CFAP299: variants seen among roughly 807,000 people sequenced by gnomAD.
The protein encoded by CFAP299 is cilia- and flagella-associated protein 299.
Under a neutral mutation model 27.0 loss-of-function variants are expected in CFAP299, and 21 were observed. The ratio of observed to expected loss-of-function variants is 0.78; its 90% CI spans 0.55 to 1.12. CFAP299 has a LOEUF of 1.12. Among genes scored for constraint, CFAP299 ranks in the 50% most tolerant of loss-of-function variants. The pLI is 0.00. For missense variants in CFAP299, 310 were observed against 276.6 expected (o/e 1.12, Z -0.86); for synonymous variants, 104 against 98.1 (o/e 1.06, Z -0.36).
intron 2 of CFAP299, chr4:80,387,165 G>A (rs1725058161): frequency 7.3e-7 from 1 of 1,365,496 alleles, no homozygotes; most frequent in Non-Finnish European, 1.0e-6. Context: ...CCCTTCTTGG[G>A]GCTGTGCTGT....
At chr4:80,741,702 C>T (rs990127286) in intron 3 of CFAP299, among the ~76,000 whole-genome samples, 26 of 152,116 alleles carry the variant, frequency 1.7e-4, no homozygotes, top group Non-Finnish European at 2.6e-4. Flanking sequence ...CTAATGTCTC[C>T]CTGGGTCACG....
chr4:80,580,668 C>T (rs1736115556), intron 2 of CFAP299, among the ~76,000 whole-genome samples: 2 of 151,978 alleles, frequency 1.3e-5, no homozygotes, highest in South Asian at 4.1e-4. Context: ...TCTGAGCAAT[C>T]TAGTCTCAAC....
chr4:80,895,323 A>T (rs1369853514), intron 4 of CFAP299, among the ~76,000 whole-genome samples: 2 of 151,780 alleles, frequency 1.3e-5, no homozygotes, highest in East Asian at 3.9e-4. Context: ...TTTGTCATTT[A>T]TGCCTCAAAA....
At chr4:80,783,336 T>C (rs931863599) in intron 3 of CFAP299, among the ~76,000 whole-genome samples, 3 of 152,114 alleles carry the variant, frequency 2.0e-5, no homozygotes, top group African/African-American at 7.2e-5. Flanking sequence ...ACAACCTGAA[T>C]ACTAGCAGGC....
At chr4:80,701,207 T>G (rs1721457075) in intron 3 of CFAP299, among the ~76,000 whole-genome samples, 1 of 151,978 alleles carries the variant, frequency 6.6e-6, no homozygotes, top group Admixed American at 6.6e-5. Context: ...CATAAAATAG[T>G]TGAGGATATG....
intron 3 of CFAP299, among the ~76,000 whole-genome samples, chr4:80,809,957 C>G (rs1044071046): frequency 5.9e-5 from 9 of 151,988 alleles, no homozygotes; most frequent in Admixed American, 5.3e-4. Flanking sequence ...AATATCTTTA[C>G]CCATAAAGTG....
chr4:80,776,928 C>T (rs1032634141), intron 3 of CFAP299, among the ~76,000 whole-genome samples: 1 of 151,130 alleles, frequency 6.6e-6, no homozygotes, highest in Non-Finnish European at 1.5e-5. Flanking sequence ...CTGATTATAA[C>T]CCTATAAATA....
intron 4 of CFAP299, among the ~76,000 whole-genome samples, chr4:80,912,909 A>G (rs1329288500): frequency 6.6e-6 from 1 of 152,148 alleles, no homozygotes; most frequent in African/African-American, 2.4e-5. Flanking sequence ...AGGAGTGCGG[A>G]ATAGAGGGGA....
At chr4:80,501,404 T>C (rs1467318939) in intron 2 of CFAP299, among the ~76,000 whole-genome samples, 1 of 148,276 alleles carries the variant, frequency 6.7e-6, no homozygotes, top group Non-Finnish European at 1.5e-5. Flanking sequence ...CATATAAATA[T>C]GTAATTTCAT....
intron 3 of CFAP299, among the ~76,000 whole-genome samples, chr4:80,699,943 A>G (rs767356151): frequency 3.9e-5 from 6 of 152,182 alleles, no homozygotes; most frequent in Non-Finnish European, 7.3e-5. Flanking sequence ...TCCTTTTGGA[A>G]GGGTTATGGA....
chr4:80,846,522 A>T (rs571857896), intron 3 of CFAP299, among the ~76,000 whole-genome samples: 1 of 152,274 alleles, frequency 6.6e-6, no homozygotes, highest in Admixed American at 6.5e-5. Context: ...TTAAATTCAT[A>T]ATTTGATAGA....
chr4:80,550,457 A>G (rs1216738876), intron 2 of CFAP299, among the ~76,000 whole-genome samples: 1 of 152,108 alleles, frequency 6.6e-6, no homozygotes, highest in Non-Finnish European at 1.5e-5. Context: ...GATCTGATAT[A>G]GACAAATTAT....
At chr4:80,900,784 A>T (rs1468557668) in intron 4 of CFAP299, among the ~76,000 whole-genome samples, 2 of 151,848 alleles carry the variant, frequency 1.3e-5, no homozygotes, top group Non-Finnish European at 2.9e-5. Flanking sequence ...CAGGGCTGGG[A>T]TTTGAAATCA....
chr4:80,709,394 A>C (rs1722008954), intron 3 of CFAP299, among the ~76,000 whole-genome samples: 1 of 152,184 alleles, frequency 6.6e-6, no homozygotes, highest in African/African-American at 2.4e-5. Context: ...TCTGGATTAA[A>C]TATCAGGGTT....
intron 2 of CFAP299, among the ~76,000 whole-genome samples, chr4:80,373,045 AT>A (rs1168352831): frequency 6.6e-6 from 1 of 152,180 alleles, no homozygotes; most frequent in Non-Finnish European, 1.5e-5. Context: ...AGGATTCAAC[AT>A]GGGGGTTGTG....
intron 2 of CFAP299, among the ~76,000 whole-genome samples, chr4:80,561,880 T>C (rs1168537411): frequency 6.6e-6 from 1 of 152,126 alleles, no homozygotes; most frequent in African/African-American, 2.4e-5. Context: ...CTGTGTTGTG[T>C]AAACTGCTTA....
At chr4:80,906,243 C>T (rs1178270911) in intron 4 of CFAP299, among the ~76,000 whole-genome samples, 1 of 152,218 alleles carries the variant, frequency 6.6e-6, no homozygotes, top group Non-Finnish European at 1.5e-5. Context: ...CCTTTGACTC[C>T]ATGTCTCACA....
rs186514603 is a variant in CFAP299, at chr4:80,719,666, C to T, written c.333+136483C>T. Among the ~76,000 whole-genome samples, 58 of 152,304 alleles carry T rather than the reference C, an allele frequency of 3.8e-4. 1 individual carries two copies. The highest frequency in any genetic ancestry group is 1.2e-3 in the African/African-American group (51 of 41,562). On this transcript the variant is annotated intron_variant, in intron 3 of 5. Transcript: ENST00000358105. ...TTTTCCTGCCTAGGCTGCCATCACT[C>T]GGCTATGTGGTTTTGTCCAGCACAC...
intron 4 of CFAP299, among the ~76,000 whole-genome samples, chr4:80,904,940 A>T (rs1482734663): frequency 8.2e-6 from 1 of 121,676 alleles, no homozygotes; most frequent in Non-Finnish European, 1.6e-5. Context: ...AAAAAATTAT[A>T]ATTTAGAATA....
Sources: allele counts gnomAD v4.1 joint callset (sites outside exome capture counted in the v4.1 genomes callset), GRCh38; gene constraint gnomAD v4.1.1; transcripts MANE v1.5; gene names NCBI Gene and HGNC (gene_info 2026-07-23, HGNC 2026-07-21).